Variants in ADAMTS18 observed in about 807,000 individuals in gnomAD.
The protein encoded by ADAMTS18 is A disintegrin and metalloproteinase with thrombospondin motifs 18.
ADAMTS18 carries 157 observed loss-of-function variants against 165.9 expected under a neutral mutation model. That is an observed-to-expected ratio of 0.95 (90% CI 0.83 to 1.08). The LOEUF (loss-of-function observed/expected upper bound fraction) is 1.08, where lower values mean the gene tolerates loss of function less well. Among genes scored for constraint, ADAMTS18 ranks in the 50% least tolerant of loss-of-function variants. ADAMTS18 has a pLI of 0.00. For synonymous variants in ADAMTS18, 782 were observed against 578.2 expected (o/e 1.35, Z -5.06); for missense variants, 2,040 against 1,534.0 (o/e 1.33, Z -5.51).
At chr16:77,291,002 G>GTGGTAAGTGTTTTACATACATTT in intron 21 of ADAMTS18, 1 of 419,574 alleles carries the variant, frequency 2.4e-6, no homozygotes, top group Middle Eastern at 6.4e-4. Context: ...AACTGGCCTG[G>GTGGTAAGTGTTTTACATACATTT]TGGTAAGTGT....
chr16:77,376,020 C>T (rs556360135), intron 3 of ADAMTS18, among the ~76,000 whole-genome samples: 133 of 150,956 alleles, frequency 8.8e-4, no homozygotes, highest in African/African-American at 3.1e-3. Context: ...TCTCCTGCCT[C>T]AGTCTCCTGA....
At chr16:77,350,364 G>C (rs1442873666) in intron 10 of ADAMTS18, among the ~76,000 whole-genome samples, 1 of 152,136 alleles carries the variant, frequency 6.6e-6, no homozygotes, top group Non-Finnish European at 1.5e-5. Flanking sequence ...GCAGCCACTG[G>C]GGAAGAAGAG....
At chr16:77,300,030 T>A (rs1357711463) in intron 17 of ADAMTS18, 2 of 491,418 alleles carry the variant, frequency 4.1e-6, no homozygotes, top group Non-Finnish European at 7.3e-6. Context: ...AAGTTTTAGA[T>A]GTGTAACTTT....
chr16:77,302,593 C>T (rs2055605707), intron 16 of ADAMTS18, among the ~76,000 whole-genome samples: 1 of 152,114 alleles, frequency 6.6e-6, no homozygotes, highest in Non-Finnish European at 1.5e-5. Flanking sequence ...TAGTATCACC[C>T]CATTCCTCCC....
At chr16:77,328,485 A>G (rs531680820) in intron 12 of ADAMTS18, among the ~76,000 whole-genome samples, 2 of 152,312 alleles carry the variant, frequency 1.3e-5, no homozygotes, top group Middle Eastern at 3.4e-3. Flanking sequence ...AATGGATTCA[A>G]CAGAAACGGG....
chr16:77,321,202 G>A lies in ADAMTS18; in HGVS notation c.2164C>T (p.Leu722=), dbSNP rs748761080. Residue 722 remains leucine (L), a splice_region_variant and synonymous_variant, in exon 15 of 23, where the codon CTA becomes TTA. Coordinates refer to ENST00000282849, the MANE Select transcript of ADAMTS18 (RefSeq NM_199355.4). ...NDVCIDGVCE[L]VGCDHELGSK... is the part of the protein sequence containing the mutation. ...CCTAGTTCATGATCACATCCCACTA[G>A]CTGTGACAAAAACAAAAAACGTGAG... is the stretch of plus-strand genomic sequence containing the variant. 1.4e-5 allele frequency: 23 copies of A among 1,614,090 alleles called. No individual in the cohort carries two copies. The East Asian group carries it at 5.1e-4, about 36-fold the overall frequency.
At chr16:77,330,969 C>T (rs1004677912) in intron 12 of ADAMTS18, among the ~76,000 whole-genome samples, 34 of 152,148 alleles carry the variant, frequency 2.2e-4, no homozygotes, top group African/African-American at 8.2e-4. Flanking sequence ...GAAATAAGAA[C>T]AGAGACAGAA....
intron 16 of ADAMTS18, among the ~76,000 whole-genome samples, chr16:77,316,827 G>T (rs537207364): frequency 6.6e-6 from 1 of 151,786 alleles, no homozygotes; most frequent in African/African-American, 2.4e-5. Context: ...GCACCACCAC[G>T]CCTGGCTAAT....
At chr16:77,418,892 TGTAATCCC>T in intron 3 of ADAMTS18, among the ~76,000 whole-genome samples, 1 of 152,230 alleles carries the variant, frequency 6.6e-6, no homozygotes, top group East Asian at 1.9e-4. Context: ...AGCTCACGCC[TGTAATCCC>T]GGCACTTTGG....
At chr16:77,413,450 T>A (rs1294648649) in intron 3 of ADAMTS18, among the ~76,000 whole-genome samples, 1 of 152,188 alleles carries the variant, frequency 6.6e-6, no homozygotes, top group Non-Finnish European at 1.5e-5. Flanking sequence ...CAAGGAAAAT[T>A]TGTTCAAATC....
At chr16:77,357,225 G>A (rs1207960028) in intron 8 of ADAMTS18, among the ~76,000 whole-genome samples, 1 of 151,944 alleles carries the variant, frequency 6.6e-6, no homozygotes, top group Admixed American at 6.6e-5. Flanking sequence ...TACGATAAAA[G>A]ATATGACTTT....
rs907718241 is a variant in ADAMTS18 at position 77,326,047 on chromosome 16, G to A, written c.1860-9C>T. The A allele has an allele frequency of 2.5e-6, 4 of 1,612,560 alleles. No individual in the cohort carries two copies. In the Admixed American group the frequency reaches 5.0e-5, roughly 20 times the overall value. On this transcript the variant is annotated splice_polypyrimidine_tract_variant and intron_variant, in intron 12 of 22. Coordinates refer to ENST00000282849, the MANE Select transcript of ADAMTS18 (RefSeq NM_199355.4). ...AGCCACCATACTGAGGCCTGAAAATGAAATTAATGAACTTTAATGTTAGTA... is the reference window on the plus strand; with the variant it reads ...AGCCACCATACTGAGGCCTGAAAATAAAATTAATGAACTTTAATGTTAGTA...
At chr16:77,382,399 A>T (rs1421399707) in intron 3 of ADAMTS18, among the ~76,000 whole-genome samples, 1 of 152,066 alleles carries the variant, frequency 6.6e-6, no homozygotes, top group Non-Finnish European at 1.5e-5. Flanking sequence ...TTTAGTAGAG[A>T]CGGGGTTTCA....
At chr16:77,419,451 G>C (rs188738492) in intron 3 of ADAMTS18, among the ~76,000 whole-genome samples, 1 of 152,052 alleles carries the variant, frequency 6.6e-6, no homozygotes, top group African/African-American at 2.4e-5. Flanking sequence ...CATCTCCAAA[G>C]TCCACAATGG....
chr16:77,370,688 T>C (rs2056863746), intron 3 of ADAMTS18, among the ~76,000 whole-genome samples: 1 of 151,966 alleles, frequency 6.6e-6, no homozygotes. Context: ...AGGCGGAGGT[T>C]ACAGTGAGCA....
intron 18 of ADAMTS18, among the ~76,000 whole-genome samples, chr16:77,296,222 G>T (rs2144581015): frequency 6.6e-6 from 1 of 152,116 alleles, no homozygotes; most frequent in African/African-American, 2.4e-5. Context: ...CCCTTTAACT[G>T]GGAAGATTAC....
Position 77,362,270 on chromosome 16 carries a change from G to A in ADAMTS18, c.1057-6C>T. ...TGGTTGATCAATAATCCTCCCTATG[G>A]GAAACCCACACAAATCAAAGTGTGA... On this transcript the variant is annotated splice_polypyrimidine_tract_variant and splice_region_variant and intron_variant, in intron 6 of 22. Coordinates refer to ENST00000282849, the MANE Select transcript of ADAMTS18 (RefSeq NM_199355.4). The A allele has an allele frequency of 6.2e-7, 1 of 1,613,994 alleles. No individual in the cohort carries two copies. The highest frequency in any genetic ancestry group is 8.5e-7 in the Non-Finnish European group (1 of 1,179,992).
intron 13 of ADAMTS18, among the ~76,000 whole-genome samples, chr16:77,325,089 G>T (rs950956485): frequency 1.6e-4 from 25 of 152,150 alleles, no homozygotes; most frequent in African/African-American, 6.0e-4. Context: ...TTGCGCTTTT[G>T]CACAGAACAG....
intron 16 of ADAMTS18, among the ~76,000 whole-genome samples, chr16:77,319,179 C>G (rs575643163): frequency 1.3e-5 from 2 of 152,280 alleles, no homozygotes; most frequent in South Asian, 4.2e-4. Flanking sequence ...AACCCCTTCT[C>G]CTAGGCCAGT....
Sources: allele counts gnomAD v4.1 joint callset (sites outside exome capture counted in the v4.1 genomes callset), GRCh38; gene constraint gnomAD v4.1.1; transcripts MANE v1.5; gene names NCBI Gene and HGNC (gene_info 2026-07-23, HGNC 2026-07-21).